The following SMAD4 variants were observed in gnomAD, a reference collection of about 807,000 sequenced individuals.
SMAD4 encodes the protein MAD homolog 4.
A neutral mutation model predicts 63.2 loss-of-function variants in SMAD4; 7 were observed. The observed-to-expected ratio is 0.11, with a 90% CI of 0.06 to 0.21. SMAD4 has a LOEUF of 0.21. Among genes scored for constraint, SMAD4 ranks in the 10% least tolerant of loss-of-function variants. The pLI, the probability that SMAD4 is intolerant of heterozygous loss-of-function variation, is 1.00. For synonymous variants in SMAD4, 215 were observed against 235.4 expected, an observed-to-expected ratio of 0.91 and a Z score of 0.79; for missense variants, 312 against 693.8, an observed-to-expected ratio of 0.45 and a Z score of 6.18.
intron 1 of SMAD4, among the ~76,000 whole-genome samples, chr18:51,036,111 C>G (rs1396849125): frequency 6.6e-6 from 1 of 152,026 alleles, no homozygotes; most frequent in Non-Finnish European, 1.5e-5. Context: ...GTAGCTAGGA[C>G]TACAGGCCGG....
chr18:51,071,384 G>A (rs776521885), intron 10 of SMAD4, among the ~76,000 whole-genome samples: 1 of 151,902 alleles, frequency 6.6e-6, no homozygotes, highest in African/African-American at 2.4e-5. Context: ...CTAAATTGTG[G>A]TTTTTTTCAC....
chr18:51,033,228 T>C (rs1222673015), intron 1 of SMAD4, among the ~76,000 whole-genome samples: 2 of 150,854 alleles, frequency 1.3e-5, no homozygotes, highest in Non-Finnish European at 3.0e-5. Flanking sequence ...CTCGCTCTGT[T>C]GTCCAGGCTG....
intron 7 of SMAD4, among the ~76,000 whole-genome samples, 169 bp from the exon 8 acceptor site, chr18:51,059,697 T>G (rs1909952856): frequency 6.6e-6 from 1 of 152,220 alleles, no homozygotes; most frequent in Admixed American, 6.5e-5. Flanking sequence ...GTATTAATAG[T>G]TTAAGACTAT....
Position 51,084,012 on chromosome 18 carries a change from G to GCACACA in SMAD4, c.*5572_*5577dup, listed in dbSNP as rs56017493. ...TTAACGCGCGTGCGCACGCGCGCGC[G>GCACACA]CACACACACACACACACACACACAC... is the stretch of plus-strand genomic sequence containing the variant. On this transcript the variant is annotated 3_prime_UTR_variant, in exon 12 of 12. Coordinates refer to ENST00000342988, the MANE Select transcript of SMAD4 (RefSeq NM_005359.6). 0.051 allele frequency: 8,220 copies of GCACACA among 161,610 alleles called. 199 individuals are homozygous for GCACACA. The highest frequency in any genetic ancestry group is 0.098 in the Admixed American group (1,262 of 12,836). The allele number at this position is 161,610 out of a possible 1,614,324, so 10.0% of individuals were successfully genotyped here. A position where few individuals can be genotyped will look rare whatever the true frequency, so the allele number is the denominator to read the frequency against.
At chr18:51,067,458 G>A (rs905866422) in intron 10 of SMAD4, among the ~76,000 whole-genome samples, 4 of 151,980 alleles carry the variant, frequency 2.6e-5, no homozygotes, top group African/African-American at 7.3e-5. Context: ...CGTCGCCCAG[G>A]CTGGAATGCA....
At chr18:51,059,260 G>A (rs778610849) in intron 7 of SMAD4, among the ~76,000 whole-genome samples, 6 of 152,122 alleles carry the variant, frequency 3.9e-5, no homozygotes, top group Non-Finnish European at 7.4e-5. Flanking sequence ...TGCCTAGGCC[G>A]TCATAGTGTT....
At chr18:51,058,863 A>G (rs1286531795) in intron 7 of SMAD4, among the ~76,000 whole-genome samples, 1 of 152,204 alleles carries the variant, frequency 6.6e-6, no homozygotes, top group Non-Finnish European at 1.5e-5. Context: ...GAATCTATAG[A>G]TAACTCTGTG....
intron 10 of SMAD4, among the ~76,000 whole-genome samples, chr18:51,074,801 G>A (rs1403554396): frequency 1.3e-5 from 2 of 152,198 alleles, no homozygotes; most frequent in Non-Finnish European, 2.9e-5. Context: ...CGAATGGACT[G>A]TGAGAAATTT....
rs1374738411 is a variant in SMAD4, at chr18:51,084,608, A to G, written c.*6141A>G. 5 of 230,128 alleles carry G rather than the reference A, an allele frequency of 2.2e-5. No homozygotes were observed. The highest frequency in any genetic ancestry group is 4.3e-5 in the Non-Finnish European group (5 of 116,146). The allele number at this position is 230,128 out of a possible 1,614,324, so 14.3% of individuals were successfully genotyped here. On this transcript the variant is annotated 3_prime_UTR_variant, in exon 12 of 12. Transcript: ENST00000342988. ...TGCAAAGGCTGCTTGTCATTGATAGAAGGACTCACGGGCTTGGATTGATTA... is the reference window on the plus strand; with the variant it reads ...TGCAAAGGCTGCTTGTCATTGATAGGAGGACTCACGGGCTTGGATTGATTA...
intron 1 of SMAD4, among the ~76,000 whole-genome samples, chr18:51,043,181 A>C (rs1276571831): frequency 2.0e-5 from 3 of 152,186 alleles, no homozygotes; most frequent in African/African-American, 4.8e-5. Context: ...GATATAAATT[A>C]TTTGTTGGAA....
At chr18:51,048,638 T>A (rs373729626) in intron 2 of SMAD4, 48 bp from the exon 3 acceptor site, 1 of 1,501,974 alleles carries the variant, frequency 6.7e-7, no homozygotes, top group Non-Finnish European at 9.3e-7. Context: ...TATATAAAAG[T>A]GTCTTGCATA....
At chr18:51,062,181 T>C (rs1289565043) in intron 8 of SMAD4, among the ~76,000 whole-genome samples, 2 of 152,216 alleles carry the variant, frequency 1.3e-5, no homozygotes, top group Non-Finnish European at 2.9e-5. Context: ...TAACGGATTT[T>C]CTGTGTTACA....
At chr18:51,051,461 TAA>T (rs755636369) in intron 4 of SMAD4, 1 of 451,406 alleles carries the variant, frequency 2.2e-6, no homozygotes, top group African/African-American at 2.0e-5. Flanking sequence ...ATTTTTGAGT[TAA>T]AGTCTTGTGG....
intron 1 of SMAD4, among the ~76,000 whole-genome samples, chr18:51,034,250 CT>C (rs1430594791): frequency 2.5e-4 from 31 of 126,276 alleles, no homozygotes; most frequent in South Asian, 8.8e-4. Context: ...TCTTCTTTTT[CT>C]TTTTTTTTTT....
Position 51,083,139 on chromosome 18 carries a change from A to C in SMAD4, c.*4672A>C, listed in dbSNP as rs1468148482. 8.8e-6 allele frequency: 2 copies of C among 226,206 alleles called. No individual in the cohort carries two copies. Among genetic ancestry groups the C allele is most frequent in the African/African-American group, 4.4e-5 (2 of 45,020 alleles). The allele number at this position is 226,206 out of a possible 1,614,324, so 14.0% of individuals were successfully genotyped here. A position where few individuals can be genotyped will look rare whatever the true frequency, so the allele number is the denominator to read the frequency against. On this transcript the variant is annotated 3_prime_UTR_variant, in exon 12 of 12. Coordinates refer to ENST00000342988, the MANE Select transcript of SMAD4 (RefSeq NM_005359.6). ...TTCCACTTGAATGCTGCTCTTACAAAAACTGGGGTTACAAGGGTTACTAAA... is the reference window on the plus strand; with the variant it reads ...TTCCACTTGAATGCTGCTCTTACAACAACTGGGGTTACAAGGGTTACTAAA...
At chr18:51,046,436 G>GGTTTTTTTTTTTTTTTTTTT (rs1909543590) in intron 1 of SMAD4, among the ~76,000 whole-genome samples, 1 of 131,110 alleles carries the variant, frequency 7.6e-6, no homozygotes, top group African/African-American at 2.8e-5. Flanking sequence ...TCTAAATTGG[G>GGTTTTTTTTTTTTTTTTTTT]GTTTTTTTTT....
intron 5 of SMAD4, 150 bp downstream of exon 5, chr18:51,055,143 G>T: frequency 1.5e-6 from 1 of 687,606 alleles, no homozygotes; most frequent in East Asian, 2.7e-5. Context: ...AAACAGGTAT[G>T]CACAATCACT....
chr18:51,059,564 A>G (rs1394447749), intron 7 of SMAD4, among the ~76,000 whole-genome samples: 1 of 152,236 alleles, frequency 6.6e-6, no homozygotes, highest in Admixed American at 6.5e-5. Context: ...ACTGTATTGG[A>G]CGTTACATGA....
chr18:51,047,834 G>A (rs1035545927), intron 2 of SMAD4, among the ~76,000 whole-genome samples: 5 of 152,014 alleles, frequency 3.3e-5, no homozygotes, highest in South Asian at 2.1e-4. Context: ...GTCTTGAACC[G>A]CTGACCTCAG....
Sources: gnomAD v4.1 joint callset for allele counts (sites outside exome capture counted in the v4.1 genomes callset) on GRCh38, gnomAD v4.1.1 for gene constraint, MANE v1.5 for transcripts, NCBI Gene and HGNC (gene_info 2026-07-23, HGNC 2026-07-21) for gene names.